LRP1B: variants seen among roughly 807,000 people sequenced by gnomAD.
LRP1B encodes the protein LDL receptor related protein 1B.
LRP1B carries 217 observed loss-of-function variants against 556.6 expected under a neutral mutation model. The ratio of observed to expected loss-of-function variants is 0.39; its 90% CI spans 0.35 to 0.44. The LOEUF (loss-of-function observed/expected upper bound fraction) is 0.44, where lower values mean the gene tolerates loss of function less well. Among genes scored for constraint, LRP1B ranks in the 20% least tolerant of loss-of-function variants. The pLI, the probability that LRP1B is intolerant of heterozygous loss-of-function variation, is 1.00. For synonymous variants in LRP1B, 2,047 were observed against 1,865.8 expected (o/e 1.10, Z -2.50); for missense variants, 5,053 against 5,620.8 (o/e 0.90, Z 3.23).
chr2:140,356,647 G>C (rs1682237079), intron 74 of LRP1B, among the ~76,000 whole-genome samples, 171 bp from the exon 75 acceptor site: 1 of 151,764 alleles, frequency 6.6e-6, no homozygotes, highest in Non-Finnish European at 1.5e-5. Flanking sequence ...TAAATGTATA[G>C]AAGTATAAAA....
intron 15 of LRP1B, among the ~76,000 whole-genome samples, chr2:141,001,972 A>C (rs1326591888): frequency 6.6e-6 from 1 of 152,128 alleles, no homozygotes. Flanking sequence ...AACTAAGATA[A>C]GATTCAGCCT....
chr2:141,153,564 T>C (rs979203794), intron 7 of LRP1B, among the ~76,000 whole-genome samples: 22 of 133,246 alleles, frequency 1.7e-4, no homozygotes, highest in Non-Finnish European at 3.0e-4. Context: ...TATATATATT[T>C]ATATATAATA....
chr2:141,265,166 C>T (rs979468748), intron 3 of LRP1B, among the ~76,000 whole-genome samples: 1 of 152,176 alleles, frequency 6.6e-6, no homozygotes, highest in African/African-American at 2.4e-5. Flanking sequence ...GACGCAGATG[C>T]TACCAATGGA....
At chr2:140,786,371 T>A (rs1180789784) in intron 32 of LRP1B, among the ~76,000 whole-genome samples, 2 of 152,250 alleles carry the variant, frequency 1.3e-5, no homozygotes, top group Non-Finnish European at 2.9e-5. Context: ...GTGAATTTAC[T>A]ATTTATAATT....
chr2:140,540,756 A>G (rs1680103593), intron 45 of LRP1B, among the ~76,000 whole-genome samples: 1 of 152,090 alleles, frequency 6.6e-6, no homozygotes, highest in African/African-American at 2.4e-5. Flanking sequence ...AGGAGGGTAA[A>G]AACATTTGTT....
intron 1 of LRP1B, among the ~76,000 whole-genome samples, chr2:141,982,865 G>A (rs973470694): frequency 6.6e-6 from 1 of 152,090 alleles, no homozygotes; most frequent in Non-Finnish European, 1.5e-5. Context: ...TATTTGAAAA[G>A]GAGCATCCAT....
At chr2:140,683,886 C>G in intron 41 of LRP1B, 1 of 549,048 alleles carries the variant, frequency 1.8e-6, no homozygotes, top group African/African-American at 1.9e-5. Flanking sequence ...CCCTGGCAGA[C>G]TGAGGGGTCC....
chr2:142,057,374 G>A (rs941029874), intron 1 of LRP1B, among the ~76,000 whole-genome samples: 5 of 152,112 alleles, frequency 3.3e-5, no homozygotes, highest in Admixed American at 2.6e-4. Context: ...AAAAATCCAA[G>A]TTCTATGGCA....
At chr2:140,829,241 C>T (rs988890321) in intron 31 of LRP1B, among the ~76,000 whole-genome samples, 2 of 152,080 alleles carry the variant, frequency 1.3e-5, no homozygotes, top group African/African-American at 4.8e-5. Context: ...GGAAAATCAA[C>T]CAAGAAACAG....
chr2:141,994,872 G>A (rs1428037991), intron 1 of LRP1B, among the ~76,000 whole-genome samples: 1 of 152,060 alleles, frequency 6.6e-6, no homozygotes, highest in African/African-American at 2.4e-5. Flanking sequence ...TTGAGATTAT[G>A]CTTTCCTAAT....
chr2:140,870,609 A>G (rs1693098690), intron 25 of LRP1B, among the ~76,000 whole-genome samples: 1 of 152,184 alleles, frequency 6.6e-6, no homozygotes, highest in Admixed American at 6.6e-5. Context: ...AGTAATCAAA[A>G]AGAGAAAGTA....
intron 7 of LRP1B, among the ~76,000 whole-genome samples, chr2:141,144,682 A>G (rs1027597076): frequency 3.0e-4 from 46 of 152,160 alleles, no homozygotes; most frequent in African/African-American, 2.4e-5. Context: ...CAGGCCCTAT[A>G]AAAGTACCAT....
At chr2:141,346,186 T>C (rs1688251155) in intron 3 of LRP1B, among the ~76,000 whole-genome samples, 1 of 152,134 alleles carries the variant, frequency 6.6e-6, no homozygotes, top group African/African-American at 2.4e-5. Context: ...GCTTTTCACA[T>C]TGATAGACTT....
chr2:141,582,146 G>C (rs193117736), intron 2 of LRP1B, among the ~76,000 whole-genome samples: 1 of 152,206 alleles, frequency 6.6e-6, no homozygotes, highest in East Asian at 1.9e-4. Context: ...TGTCATAATA[G>C]GTTTTTATTT....
chr2:140,277,830 C>A (rs927587640), intron 84 of LRP1B, among the ~76,000 whole-genome samples: 1 of 151,816 alleles, frequency 6.6e-6, no homozygotes, highest in African/African-American at 2.4e-5. Flanking sequence ...GCAATATCTC[C>A]TAAGTTTCAG....
intron 2 of LRP1B, among the ~76,000 whole-genome samples, chr2:141,648,896 A>G (rs1256780193): frequency 6.6e-6 from 1 of 152,196 alleles, no homozygotes. Context: ...GATCTGCCTG[A>G]AATTGTTTCT....
chr2:140,320,543 T>C (rs1680056005), intron 82 of LRP1B, among the ~76,000 whole-genome samples: 1 of 152,064 alleles, frequency 6.6e-6, no homozygotes, highest in Non-Finnish European at 1.5e-5. Context: ...CTGTACCTCA[T>C]TGGAAAATGT....
At chr2:140,522,126 A>C (rs1411992792) in intron 49 of LRP1B, among the ~76,000 whole-genome samples, 1 of 152,052 alleles carries the variant, frequency 6.6e-6, no homozygotes, top group Non-Finnish European at 1.5e-5. Context: ...CTACCGTAGC[A>C]TATACATTCT....
chr2:140,877,747 T>C (rs1693354186), intron 25 of LRP1B, among the ~76,000 whole-genome samples: 1 of 152,142 alleles, frequency 6.6e-6, no homozygotes, highest in Non-Finnish European at 1.5e-5. Context: ...TTGCTTCGAG[T>C]TGTCCCACCA....
Sources: allele counts gnomAD v4.1 joint callset (sites outside exome capture counted in the v4.1 genomes callset), GRCh38; gene constraint gnomAD v4.1.1; transcripts MANE v1.5; gene names NCBI Gene and HGNC (gene_info 2026-07-23, HGNC 2026-07-21).